Variants in DPP10 observed in about 807,000 individuals in gnomAD.
The protein encoded by DPP10 is inactive dipeptidyl peptidase 10.
DPP10 carries 33 observed loss-of-function variants against 120.9 expected under a neutral mutation model. The ratio of observed to expected loss-of-function variants is 0.27; its 90% confidence interval spans 0.21 to 0.37. The LOEUF (loss-of-function observed/expected upper bound fraction) is 0.37. DPP10 is among the 10% of genes least tolerant of loss of function. The pLI, the probability that DPP10 is intolerant of heterozygous loss-of-function variation, is 1.00. For missense variants in DPP10, 816 were observed against 942.8 expected (o/e 0.87, Z 1.76); for synonymous variants, 337 against 326.1 (o/e 1.03, Z -0.36).
chr2:114,743,485 A>T (rs1324026464), intron 1 of DPP10, among the ~76,000 whole-genome samples: 1 of 152,198 alleles, frequency 6.6e-6, no homozygotes, highest in Non-Finnish European at 1.5e-5. Flanking sequence ...TGGAATTTTT[A>T]AATTTTGAGA....
intron 19 of DPP10, among the ~76,000 whole-genome samples, chr2:115,793,144 A>G (rs1043465126): frequency 6.6e-6 from 1 of 152,134 alleles, no homozygotes; most frequent in Non-Finnish European, 1.5e-5. Flanking sequence ...CAATTTGAAG[A>G]CTTCTCTTAT....
intron 3 of DPP10, among the ~76,000 whole-genome samples, chr2:115,386,821 T>C (rs915678713): frequency 6.6e-6 from 1 of 152,088 alleles, no homozygotes; most frequent in African/African-American, 2.4e-5. Context: ...GTGACATATA[T>C]TGTTACCCTT....
At chr2:115,547,306 A>C (rs2079566165) in intron 5 of DPP10, among the ~76,000 whole-genome samples, 1 of 152,202 alleles carries the variant, frequency 6.6e-6, no homozygotes, top group Non-Finnish European at 1.5e-5. Flanking sequence ...CACAGCACTA[A>C]AACCTTTTTT....
intron 2 of DPP10, among the ~76,000 whole-genome samples, chr2:115,324,872 T>A (rs1005001281): frequency 1.3e-5 from 2 of 152,106 alleles, no homozygotes; most frequent in Non-Finnish European, 2.9e-5. Context: ...TAGAGGCTAC[T>A]GTTGCCCTAA....
chr2:115,745,878 T>C (rs1361447264), intron 9 of DPP10, among the ~76,000 whole-genome samples: 3 of 152,162 alleles, frequency 2.0e-5, no homozygotes, highest in Non-Finnish European at 4.4e-5. Context: ...CCTTTAATTG[T>C]CTGAAGAAAA....
intron 1 of DPP10, among the ~76,000 whole-genome samples, chr2:115,196,163 T>A (rs189923980): frequency 6.6e-6 from 1 of 152,336 alleles, no homozygotes; most frequent in African/African-American, 2.4e-5. Flanking sequence ...TTCCAGAGAT[T>A]TCCCCCTGTG....
At chr2:115,676,145 A>G (rs1471646532) in intron 5 of DPP10, among the ~76,000 whole-genome samples, 1 of 152,326 alleles carries the variant, frequency 6.6e-6, no homozygotes, top group African/African-American at 2.4e-5. Flanking sequence ...CAGAGATGCC[A>G]TGAACTTGTG....
intron 1 of DPP10, among the ~76,000 whole-genome samples, chr2:114,449,549 A>G (rs1448408673): frequency 6.6e-6 from 1 of 151,966 alleles, no homozygotes; most frequent in Admixed American, 6.6e-5. Context: ...AAACGGATAT[A>G]AGGCAGATCG....
chr2:115,642,353 C>A (rs530429548), intron 5 of DPP10, among the ~76,000 whole-genome samples: 24 of 152,140 alleles, frequency 1.6e-4, no homozygotes, highest in Admixed American at 8.5e-4. Context: ...AGAAGATTAC[C>A]CTCCCACAAG....
At chr2:115,718,528 T>TA (rs2092563284) in intron 7 of DPP10, among the ~76,000 whole-genome samples, 1 of 152,192 alleles carries the variant, frequency 6.6e-6, no homozygotes, top group South Asian at 2.1e-4. Context: ...TTTTCTTTAC[T>TA]AAAAATCGTG....
intron 1 of DPP10, among the ~76,000 whole-genome samples, chr2:114,639,972 T>C (rs1212173140): frequency 6.6e-6 from 1 of 151,912 alleles, no homozygotes; most frequent in Non-Finnish European, 1.5e-5. Flanking sequence ...ATTTTTTTTG[T>C]TCTTCACTGT....
chr2:114,964,506 G>A (rs1367006782), intron 1 of DPP10, among the ~76,000 whole-genome samples: 2 of 152,000 alleles, frequency 1.3e-5, no homozygotes, highest in Non-Finnish European at 2.9e-5. Context: ...AGTCTTCCCC[G>A]AGAAAGTGAC....
intron 1 of DPP10, among the ~76,000 whole-genome samples, chr2:114,502,527 T>A (rs187622582): frequency 2.0e-5 from 3 of 152,220 alleles, no homozygotes; most frequent in African/African-American, 7.2e-5. Context: ...AAAACAGTCA[T>A]GGATAAGTAA....
intron 3 of DPP10, among the ~76,000 whole-genome samples, chr2:115,351,057 A>C (rs2063998531): frequency 6.6e-6 from 1 of 152,268 alleles, no homozygotes; most frequent in Middle Eastern, 3.4e-3. Context: ...TCTACCAAAA[A>C]GACCCATACA....
intron 1 of DPP10, among the ~76,000 whole-genome samples, chr2:114,858,176 G>C (rs879913426): frequency 4.6e-5 from 7 of 152,030 alleles, no homozygotes; most frequent in Admixed American, 4.6e-4. Context: ...TTTTAGTAGA[G>C]GCAGGGTTTC....
intron 1 of DPP10, among the ~76,000 whole-genome samples, chr2:114,615,133 T>G (rs1293365130): frequency 6.6e-6 from 1 of 152,168 alleles, no homozygotes; most frequent in Non-Finnish European, 1.5e-5. Flanking sequence ...GTACAAATCT[T>G]ATTGCATACC....
chr2:115,673,569 T>G (rs1205714017), intron 5 of DPP10, among the ~76,000 whole-genome samples: 1 of 152,204 alleles, frequency 6.6e-6, no homozygotes, highest in East Asian at 1.9e-4. Flanking sequence ...TTCTGTCCAG[T>G]CGTGTGTCAG....
intron 1 of DPP10, among the ~76,000 whole-genome samples, chr2:114,819,069 G>A (rs1248843788): frequency 6.6e-6 from 1 of 152,070 alleles, no homozygotes; most frequent in Non-Finnish European, 1.5e-5. Context: ...GAAATGAAGT[G>A]CTGGGCATTT....
At chr2:115,576,995 A>G (rs2081710447) in intron 5 of DPP10, among the ~76,000 whole-genome samples, 2 of 152,208 alleles carry the variant, frequency 1.3e-5, no homozygotes, top group African/African-American at 4.8e-5. Flanking sequence ...AAGGCAAGAA[A>G]AATACTCAGA....
Sources: gnomAD v4.1 joint callset for allele counts (sites outside exome capture counted in the v4.1 genomes callset) on GRCh38, gnomAD v4.1.1 for gene constraint, MANE v1.5 for transcripts, NCBI Gene and HGNC (gene_info 2026-07-23, HGNC 2026-07-21) for gene names.